The following DHX33 variants were observed in gnomAD, a reference collection of about 807,000 sequenced individuals.
The protein encoded by DHX33 is ATP-dependent RNA helicase DHX33.
A neutral mutation model predicts 72.5 loss-of-function variants in DHX33; 42 were observed. The observed-to-expected ratio is 0.58, with a 90% CI of 0.45 to 0.75. The LOEUF (loss-of-function observed/expected upper bound fraction) is 0.75, where lower values mean the gene tolerates loss of function less well. Ranked by LOEUF, DHX33 falls within the 30% of genes least tolerant of loss-of-function variation. The pLI, the probability that DHX33 is intolerant of heterozygous loss-of-function variation, is 0.00. For synonymous variants in DHX33, 358 were observed against 366.1 expected, an observed-to-expected ratio of 0.98 and a Z score of 0.25; for missense variants, 842 against 917.5, an observed-to-expected ratio of 0.92 and a Z score of 1.06.
chr17:5,460,643 A>T (rs1354794655), intron 4 of DHX33, among the ~76,000 whole-genome samples: 1 of 151,788 alleles, frequency 6.6e-6, no homozygotes, highest in Non-Finnish European at 1.5e-5. Flanking sequence ...AGTAGCTGGG[A>T]TTACAGGCAC....
intron 1 of DHX33, among the ~76,000 whole-genome samples, chr17:5,467,192 T>C (rs1339089059): frequency 6.6e-6 from 1 of 152,242 alleles, no homozygotes; most frequent in Non-Finnish European, 1.5e-5. Flanking sequence ...GGCCCTCTCC[T>C]AATAATATGC....
At chr17:5,464,009 ACT>A (rs949504120) in intron 1 of DHX33, among the ~76,000 whole-genome samples, 12 of 151,952 alleles carry the variant, frequency 7.9e-5, no homozygotes, top group African/African-American at 2.9e-4. Flanking sequence ...AGTGTGAGAC[ACT>A]GTCTCAAAAA....
chr17:5,445,566 A>T (rs1916626843), intron 11 of DHX33, among the ~76,000 whole-genome samples: 1 of 152,226 alleles, frequency 6.6e-6, no homozygotes, highest in African/African-American at 2.4e-5. Flanking sequence ...TGAGTGGGGC[A>T]TGTAACCTAC....
At chr17:5,450,980 G>C in intron 8 of DHX33, 46 bp from the exon 9 acceptor site, 1 of 1,601,140 alleles carries the variant, frequency 6.2e-7, no homozygotes, top group Non-Finnish European at 8.5e-7. Context: ...CCAAAAAAAT[G>C]AAGTTGCAGC....
chr17:5,467,380 T>G (rs1357312897), intron 1 of DHX33, among the ~76,000 whole-genome samples: 1 of 152,098 alleles, frequency 6.6e-6, no homozygotes, highest in Admixed American at 6.5e-5. Flanking sequence ...AGAAAGAACA[T>G]GCCGTCCCTC....
At chr17:5,460,439 A>G (rs1318361616) in intron 4 of DHX33, among the ~76,000 whole-genome samples, 2 of 152,218 alleles carry the variant, frequency 1.3e-5, no homozygotes, top group East Asian at 3.8e-4. Context: ...TTTTCAATGA[A>G]AATTAGAGAT....
At chr17:5,448,665 TG>T in intron 11 of DHX33, 143 bp downstream of exon 11, 1 of 506,066 alleles carries the variant, frequency 2.0e-6, no homozygotes, top group Non-Finnish European at 3.4e-6. Context: ...TGTGGAATTG[TG>T]GGTAACTTCC....
rs1476377663 is a variant in DHX33 at position 5,450,280 on chromosome 17, T to G, written c.1651A>C (p.Lys551Gln). The G allele has an allele frequency of 1.9e-6, 3 of 1,614,066 alleles. No homozygotes were observed. The highest frequency in any genetic ancestry group is 2.5e-6 in the Non-Finnish European group (3 of 1,180,052). The part of the protein sequence containing the change: ...RREEVQGVRK[K>Q]FISSEGDHMT... Reference sequence around the variant, plus strand: ...TGATCCCCCTCGCTGGATATGAACTTCTTGCGGACCCCTTGCACTTCCTCT... The same window carrying G: ...TGATCCCCCTCGCTGGATATGAACTGCTTGCGGACCCCTTGCACTTCCTCT... Residue 551 changes from lysine to glutamine, a missense_variant, in exon 10 of 12, where the codon AAG becomes CAG. Physicochemically the swap from Lys to Gln is moderately conservative, Grantham distance 53. Transcript: ENST00000225296.
chr17:5,457,971 C>T lies in DHX33; in HGVS notation c.850-1789G>A, dbSNP rs1904398883. Reference sequence around the variant, plus strand: ...GAAAAGGCAATGAGAGATGAGGAGTCTCAACTCATTTTGGAAGAGAGGGGA... The same window carrying T: ...GAAAAGGCAATGAGAGATGAGGAGTTTCAACTCATTTTGGAAGAGAGGGGA... On this transcript the variant is annotated intron_variant, in intron 4 of 11. Transcript: ENST00000225296. Among the ~76,000 whole-genome samples the T allele has an allele frequency of 2.6e-5, 4 of 152,142 alleles. No homozygotes were observed. The South Asian group carries it at 8.3e-4, about 31-fold the overall frequency.
At chr17:5,452,683 A>G (rs1181770111) in intron 8 of DHX33, among the ~76,000 whole-genome samples, 1 of 152,214 alleles carries the variant, frequency 6.6e-6, no homozygotes, top group African/African-American at 2.4e-5. Flanking sequence ...GTGCCACTGC[A>G]CTCCAGCCTG....
intron 1 of DHX33, among the ~76,000 whole-genome samples, chr17:5,464,053 C>T (rs1904761814): frequency 6.6e-6 from 1 of 151,572 alleles, no homozygotes; most frequent in Admixed American, 6.6e-5. Flanking sequence ...AAATGCAAAT[C>T]GGCTGGGCAC....
rs1412827380 is a variant in DHX33 at position 5,468,978 on chromosome 17, C to T, written c.-119G>A. The T allele has an allele frequency of 3.4e-6, 2 of 583,758 alleles. No individual in the cohort carries two copies. Among genetic ancestry groups the T allele is most frequent in the South Asian group, 3.4e-5 (2 of 58,684 alleles). 36.2% of individuals were successfully genotyped at this position (583,758 alleles called of 1,614,324 possible). ...GCCACGTGCTGGCGGCTCCCGGCGA[C>T]CACCGATGACCTCACGGCCGCCCCA... is the stretch of plus-strand genomic sequence containing the variant. On this transcript the variant is annotated 5_prime_UTR_variant, in exon 1 of 12. Coordinates refer to ENST00000225296, the MANE Select transcript of DHX33 (RefSeq NM_020162.4).
At chr17:5,459,912 G>A (rs930475677) in intron 4 of DHX33, among the ~76,000 whole-genome samples, 3 of 151,976 alleles carry the variant, frequency 2.0e-5, no homozygotes, top group African/African-American at 7.2e-5. Flanking sequence ...CTCCCAAAGC[G>A]TTGGGATTAC....
At chr17:5,454,764 C>T (rs923172695) in intron 6 of DHX33, among the ~76,000 whole-genome samples, 1 of 152,222 alleles carries the variant, frequency 6.6e-6, no homozygotes, top group Non-Finnish European at 1.5e-5. Context: ...CCATGCCTCA[C>T]CTCAGCCAGG....
chr17:5,460,261 G>T (rs1597362656), intron 4 of DHX33, among the ~76,000 whole-genome samples: 2 of 151,690 alleles, frequency 1.3e-5, no homozygotes, highest in African/African-American at 4.8e-5. Context: ...TGATCCACCC[G>T]CCTCGGCCTC....
At chr17:5,446,088 C>T (rs3786055) in intron 11 of DHX33, among the ~76,000 whole-genome samples, 23,133 of 152,166 alleles carry the variant, frequency 0.15, 1,828 homozygotes, top group South Asian at 0.21. Flanking sequence ...GATTTTTGTG[C>T]CTCAGCCTCC....
In DHX33 at chr17:5,461,122, A is replaced by G; in HGVS notation, c.679-13T>C. The G allele has an allele frequency of 6.3e-7, 1 of 1,595,008 alleles. No individual in the cohort carries two copies. The highest frequency in any genetic ancestry group is 8.6e-7 in the Non-Finnish European group (1 of 1,166,702). ...ACATCACAATCACCTGCATAAGAGA[A>G]CGAAGAGGAGGACCAGAAACAAATA... On this transcript the variant is annotated splice_polypyrimidine_tract_variant and intron_variant, in intron 3 of 11. Coordinates refer to ENST00000225296, the MANE Select transcript of DHX33 (RefSeq NM_020162.4).
rs377645589 is a variant in DHX33 at position 5,442,250 on chromosome 17, A to ATTTTTTTTTTTTTTTTTTT, written c.*1936_*1954dup. On this transcript the variant is annotated 3_prime_UTR_variant, in exon 12 of 12. Coordinates refer to ENST00000225296, the MANE Select transcript of DHX33 (RefSeq NM_020162.4). ...AGCCACTGCGCCCGGCCACCCCCCA[A>ATTTTTTTTTTTTTTTTTTT]TTTTTTTTTTTTTTTTTTTTTTTTT... The ATTTTTTTTTTTTTTTTTTT allele has an allele frequency of 1.6e-5, 2 of 121,822 alleles. No individual in the cohort carries two copies. Among genetic ancestry groups the ATTTTTTTTTTTTTTTTTTT allele is most frequent in the Non-Finnish European group, 3.4e-5 (2 of 58,566 alleles). 7.5% of individuals were successfully genotyped at this position (121,822 alleles called of 1,614,324 possible).
At position 5,442,857 on chromosome 17, in the gene DHX33, CT is replaced by C. The variant is rs915432698; in HGVS notation, c.*1347del. On this transcript the variant is annotated 3_prime_UTR_variant, in exon 12 of 12. Coordinates refer to ENST00000225296, the MANE Select transcript of DHX33 (RefSeq NM_020162.4). The stretch of plus-strand genomic sequence containing the variant: ...TTACTTGCTTCTGATAATTAAATAG[CT>C]AAGAGGAACCGTTAGTGCCTTTTCT... The C allele has an allele frequency of 2.2e-4, 34 of 152,150 alleles. No homozygotes were observed. The highest frequency in any genetic ancestry group is 8.0e-4 in the African/African-American group (33 of 41,432). The allele number at this position is 152,150 out of a possible 1,614,324, so 9.4% of individuals were successfully genotyped here. A position where few individuals can be genotyped will look rare whatever the true frequency, so the allele number is the denominator to read the frequency against.
Sources: gnomAD v4.1 joint callset for allele counts (sites outside exome capture counted in the v4.1 genomes callset) on GRCh38, gnomAD v4.1.1 for gene constraint, MANE v1.5 for transcripts, NCBI Gene and HGNC (gene_info 2026-07-23, HGNC 2026-07-21) for gene names.